The following KIF13B variants were observed in gnomAD, a reference collection of about 807,000 sequenced individuals.
The protein encoded by KIF13B is kinesin-like protein KIF13B.
Under a neutral mutation model 222.0 loss-of-function variants are expected in KIF13B, and 127 were observed. The observed-to-expected ratio is 0.57, with a 90% CI of 0.50 to 0.66. The LOEUF is 0.66. Ranked by LOEUF, KIF13B falls within the 30% of genes least tolerant of loss-of-function variation. The probability of loss-of-function intolerance (pLI) is 0.00; values close to 1 mark genes in which losing one functional copy is unlikely to be tolerated. For missense variants in KIF13B, 2,173 were observed against 2,379.0 expected (o/e 0.91, Z 1.80); for synonymous variants, 976 against 919.0 (o/e 1.06, Z -1.12).
Position 29,071,867 on chromosome 8 carries a change from G to A in KIF13B, c.4971C>T (p.Arg1657=). The part of the protein sequence containing the change: ...RVRRVRASEL[R]SFSRMLAGDP... ...CCCCAGCCAGCATGCGCGAGAAGGA[G>A]CGCAACTCCGAGGCCCGCACCCTCC... Residue 1657 remains arginine (R), a synonymous_variant, in exon 39 of 40, where the codon CGC becomes CGT. Transcript: ENST00000524189. This position sits in a 1 kb window ranked among gnomAD's most constrained non-coding sequence, Gnocchi z 4.9. 6.5e-7 allele frequency: 1 copy of A among 1,535,770 alleles called. No individual in the cohort carries two copies.
intron 36 of KIF13B, among the ~76,000 whole-genome samples, 157 bp from the exon 37 acceptor site, chr8:29,093,035 T>G (rs903333094): frequency 6.6e-6 from 1 of 152,248 alleles, no homozygotes; most frequent in Non-Finnish European, 1.5e-5. Context: ...GTAGTTTACA[T>G]AATTTCCCTC....
At chr8:29,167,006 A>T (rs11780260) in intron 11 of KIF13B, among the ~76,000 whole-genome samples, 1 of 152,244 alleles carries the variant, frequency 6.6e-6, no homozygotes, top group African/African-American at 2.4e-5. Context: ...ATGAGATTCA[A>T]CAAAAATCCT....
At position 29,118,849 on chromosome 8, in the gene KIF13B, C is replaced by T. The variant is rs374877106; in HGVS notation, c.3660+19G>A. ...GAAACCACTTTTCATCTGACCATCCCAAGTTAGGCTTTCCTTACCTCCCCA... is the reference window on the plus strand; with the variant it reads ...GAAACCACTTTTCATCTGACCATCCTAAGTTAGGCTTTCCTTACCTCCCCA... On this transcript the variant is annotated intron_variant, in intron 30 of 39. Coordinates refer to ENST00000524189, the MANE Select transcript of KIF13B (RefSeq NM_015254.4). The T allele has an allele frequency of 1.9e-5, 30 of 1,612,538 alleles. No homozygotes were observed. In the African/African-American group the frequency reaches 3.6e-4, roughly 19 times the overall value.
At chr8:29,080,910 G>A (rs577502933) in intron 37 of KIF13B, among the ~76,000 whole-genome samples, 15 of 152,260 alleles carry the variant, frequency 9.9e-5, no homozygotes, top group African/African-American at 3.1e-4. Flanking sequence ...ACCCGCACTC[G>A]AATAGCGTCT....
intron 2 of KIF13B, among the ~76,000 whole-genome samples, chr8:29,200,432 C>T (rs1261239371): frequency 6.6e-6 from 1 of 152,168 alleles, no homozygotes; most frequent in African/African-American, 2.4e-5. Context: ...AATTTCTCAG[C>T]TGAGTTGAAT....
chr8:29,220,942 C>A (rs766132410), intron 2 of KIF13B, among the ~76,000 whole-genome samples: 41 of 152,024 alleles, frequency 2.7e-4, no homozygotes, highest in Middle Eastern at 6.8e-3. Context: ...AAAACCCCAT[C>A]TCTATAAATA....
At chr8:29,261,364 A>G (rs1402019137) in intron 1 of KIF13B, among the ~76,000 whole-genome samples, 1 of 152,200 alleles carries the variant, frequency 6.6e-6, no homozygotes, top group African/African-American at 2.4e-5. Context: ...AGTGAAACCA[A>G]TGGGGAAAGG....
chr8:29,080,102 G>A (rs1019591944), intron 37 of KIF13B, among the ~76,000 whole-genome samples: 1 of 152,122 alleles, frequency 6.6e-6, no homozygotes, highest in African/African-American at 2.4e-5. Flanking sequence ...ACCACTTTGG[G>A]AGGCTGAGGC....
chr8:29,175,421 G>A (rs928649604), intron 10 of KIF13B, among the ~76,000 whole-genome samples: 2 of 152,124 alleles, frequency 1.3e-5, no homozygotes, highest in African/African-American at 2.4e-5. Context: ...GGCAAGAAGC[G>A]CCCTCTGTTT....
rs116376581 is a variant in KIF13B at position 29,171,283 on chromosome 8, T to C, written c.946-3698A>G. On this transcript the variant is annotated intron_variant, in intron 10 of 39. Transcript: ENST00000524189. ...TGACTCAGCGAATGCGTAACCCTCATTTAATGGTTGTTCCATCCTCCCTGG... is the reference window on the plus strand; with the variant it reads ...TGACTCAGCGAATGCGTAACCCTCACTTAATGGTTGTTCCATCCTCCCTGG... 4.8e-3 allele frequency among the ~76,000 whole-genome samples: 736 copies of C among 152,344 alleles called. 4 individuals are homozygous for C. The highest frequency in any genetic ancestry group is 0.017 in the African/African-American group (687 of 41,572).
At chr8:29,144,101 T>C (rs1266801926) in intron 18 of KIF13B, among the ~76,000 whole-genome samples, 2 of 151,880 alleles carry the variant, frequency 1.3e-5, no homozygotes, top group Admixed American at 1.3e-4. Context: ...CTAATCAATT[T>C]AGGTTTACTG....
intron 30 of KIF13B, 39 bp downstream of exon 30, chr8:29,118,829 C>T: frequency 6.2e-7 from 1 of 1,608,200 alleles, no homozygotes; most frequent in South Asian, 1.1e-5. Context: ...TTAAGGAAAC[C>T]ACTTTTCATC....
intron 32 of KIF13B, among the ~76,000 whole-genome samples, chr8:29,111,754 C>T (rs913321739): frequency 3.9e-5 from 6 of 152,170 alleles, no homozygotes; most frequent in African/African-American, 1.4e-4. Flanking sequence ...CAGCCATCAC[C>T]GTTTCTCAAC....
At chr8:29,094,443 A>G (rs1429689720) in intron 36 of KIF13B, among the ~76,000 whole-genome samples, 2 of 152,236 alleles carry the variant, frequency 1.3e-5, no homozygotes, top group African/African-American at 4.8e-5. Flanking sequence ...CAATCTGGGA[A>G]AATTTAACAC....
intron 11 of KIF13B, among the ~76,000 whole-genome samples, chr8:29,166,169 T>G (rs1432598570): frequency 6.6e-6 from 1 of 152,182 alleles, no homozygotes. Context: ...ACTAAATGTG[T>G]ACATGTTGCA....
chr8:29,106,389 T>C (rs534387146), intron 35 of KIF13B, among the ~76,000 whole-genome samples: 1 of 152,318 alleles, frequency 6.6e-6, no homozygotes, highest in South Asian at 2.1e-4. Context: ...CCCAGCACTT[T>C]GGGAGGCCAA....
intron 2 of KIF13B, among the ~76,000 whole-genome samples, chr8:29,243,978 G>A (rs1057051365): frequency 6.6e-6 from 1 of 152,150 alleles, no homozygotes; most frequent in African/African-American, 2.4e-5. Context: ...CATAATGAAG[G>A]ATTCGATTTC....
At chr8:29,150,171 G>A in intron 15 of KIF13B, 126 bp downstream of exon 15, 1 of 601,638 alleles carries the variant, frequency 1.7e-6, no homozygotes, top group South Asian at 2.0e-5. Flanking sequence ...TACACATGCA[G>A]CAAATATATA....
intron 12 of KIF13B, among the ~76,000 whole-genome samples, chr8:29,161,946 G>C (rs542033415): frequency 1.3e-4 from 20 of 152,228 alleles, no homozygotes; most frequent in African/African-American, 4.6e-4. Flanking sequence ...CAAAACATCA[G>C]TGTGGTGAAT....
Sources: allele counts gnomAD v4.1 joint callset (sites outside exome capture counted in the v4.1 genomes callset), GRCh38; gene constraint gnomAD v4.1.1; non-coding constraint Gnocchi (gnomAD v3.1); transcripts MANE v1.5; gene names NCBI Gene and HGNC (gene_info 2026-07-23, HGNC 2026-07-21).